GGA2: variants seen among roughly 807,000 people sequenced by gnomAD.
GGA2 encodes golgi associated, gamma adaptin ear containing, ARF binding protein 2.
Under a neutral mutation model 79.5 loss-of-function variants are expected in GGA2, and 48 were observed. That is an observed-to-expected ratio of 0.60 (90% CI 0.48 to 0.77). GGA2 has a LOEUF of 0.77. Ranked by LOEUF, GGA2 falls within the 30% of genes least tolerant of loss-of-function variation. GGA2 has a pLI of 0.00. For missense variants in GGA2, 770 were observed against 774.0 expected, an observed-to-expected ratio of 0.99 and a Z score of 0.06; for synonymous variants, 317 against 302.0, an observed-to-expected ratio of 1.05 and a Z score of -0.51.
At position 23,483,654 on chromosome 16, in the gene GGA2, G is replaced by GT. The variant is rs1010660532; in HGVS notation, c.799-651dup. Among the ~76,000 whole-genome samples the GT allele has an allele frequency of 8.5e-4, 128 of 150,724 alleles. 1 individual carries two copies. The highest frequency in any genetic ancestry group is 1.2e-3 in the African/African-American group (48 of 41,114). The stretch of plus-strand genomic sequence containing the variant: ...TTCTTTTTGATTGTTTGTTTTTTTG[G>GT]TTTTTTTTTGAGACAGAGTTTCACT... On this transcript the variant is annotated intron_variant, in intron 8 of 16. Transcript: ENST00000309859.
chr16:23,472,184 GTTTTTT>G lies in GGA2; in HGVS notation c.1451-2025_1451-2020del, dbSNP rs749688834. Among the ~76,000 whole-genome samples the G allele has an allele frequency of 2.4e-4, 13 of 54,866 alleles. No individual in the cohort carries two copies. The East Asian group carries it at 3.7e-3, about 16-fold the overall frequency. The allele number at this position is 54,866 out of a possible 152,430, so 36.0% of individuals were successfully genotyped here. ...TCCAAAGATGTTCTTTGTAGCCCTG[GTTTTTT>G]TTTTTTTTTTTTTTTTTTTTTTAGA... On this transcript the variant is annotated intron_variant, in intron 14 of 16. Coordinates refer to ENST00000309859, the MANE Select transcript of GGA2 (RefSeq NM_015044.4).
At chr16:23,506,798 G>A (rs1158086236) in intron 1 of GGA2, among the ~76,000 whole-genome samples, 2 of 152,176 alleles carry the variant, frequency 1.3e-5, no homozygotes, top group East Asian at 1.9e-4. Context: ...GGCAATGGTG[G>A]CACTGACGAA....
intron 5 of GGA2, among the ~76,000 whole-genome samples, chr16:23,491,154 A>G (rs1964780200): frequency 6.6e-6 from 1 of 151,722 alleles, no homozygotes; most frequent in Non-Finnish European, 1.5e-5. Context: ...AATAAATGAA[A>G]AAATTAGTTG....
chr16:23,510,596 G>A, upstream of GGA2: 1 of 384,542 alleles, frequency 2.6e-6, no homozygotes. Flanking sequence ...TCTTAGTCCA[G>A]ATCCCTCCAC....
intron 8 of GGA2, among the ~76,000 whole-genome samples, chr16:23,485,356 G>A (rs1964698631): frequency 6.6e-6 from 1 of 152,198 alleles, no homozygotes; most frequent in Non-Finnish European, 1.5e-5. Flanking sequence ...ATCTCATAAA[G>A]ATGCTATATA....
At chr16:23,494,099 T>C (rs919794480) in intron 3 of GGA2, 1 of 588,102 alleles carries the variant, frequency 1.7e-6, no homozygotes. Context: ...GACTCAATGC[T>C]GCCCTGAAGA....
At chr16:23,500,042 G>A (rs1371892701) in intron 1 of GGA2, among the ~76,000 whole-genome samples, 2 of 152,222 alleles carry the variant, frequency 1.3e-5, no homozygotes, top group African/African-American at 2.4e-5. Flanking sequence ...GTGGAAGGAA[G>A]AGGAGCTCCC....
Position 23,473,330 on chromosome 16 carries a change from C to CTTTTTT in GGA2, c.1450+1568_1450+1573dup, listed in dbSNP as rs34972165. Among the ~76,000 whole-genome samples, 177 of 70,690 alleles carry CTTTTTT rather than the reference C, an allele frequency of 2.5e-3. 48 individuals are homozygous for CTTTTTT. The highest frequency in any genetic ancestry group is 3.7e-3 in the South Asian group (6 of 1,614). The allele number at this position is 70,690 out of a possible 152,430, so 46.4% of individuals were successfully genotyped here. The stretch of plus-strand genomic sequence containing the variant: ...GTATAGATGATTTTACTTTTCTAGT[C>CTTTTTT]TTTTTTTTTTTTTTTTTTTTTTTTT... On this transcript the variant is annotated intron_variant, in intron 14 of 16. Coordinates refer to ENST00000309859, the MANE Select transcript of GGA2 (RefSeq NM_015044.4).
At chr16:23,489,490 T>G (rs1964756152) in intron 5 of GGA2, among the ~76,000 whole-genome samples, 1 of 152,080 alleles carries the variant, frequency 6.6e-6, no homozygotes, top group South Asian at 2.1e-4. Flanking sequence ...ATTCCTCACC[T>G]CAAACTCCCA....
chr16:23,510,560 C>CG (rs397727429), upstream of GGA2: 2 of 389,396 alleles, frequency 5.1e-6, no homozygotes, highest in Admixed American at 4.5e-5. Flanking sequence ...CAGGCCCCCC[C>CG]TCCACGCGGG....
At position 23,481,955 on chromosome 16, in the gene GGA2, T is replaced by C. The variant is rs542102817; in HGVS notation, c.880+968A>G. Among the ~76,000 whole-genome samples, 4 of 152,118 alleles carry C rather than the reference T, an allele frequency of 2.6e-5. No homozygotes were observed. The East Asian group carries it at 7.8e-4, about 29-fold the overall frequency. On this transcript the variant is annotated intron_variant, in intron 9 of 16. Transcript: ENST00000309859. ...TTATCAGGGCAATCTGAACACTGAC[T>C]GAATCTTTGATTATTCTGAAATGTC...
chr16:23,470,074 T>C lies in GGA2; in HGVS notation c.1542A>G (p.Val514=). The C allele has an allele frequency of 6.2e-7, 1 of 1,610,296 alleles. No homozygotes were observed. The highest frequency in any genetic ancestry group is 8.5e-7 in the Non-Finnish European group (1 of 1,178,226). Residue 514 remains valine (V), a synonymous_variant, in exon 15 of 17, where the codon GTA becomes GTG. Transcript: ENST00000309859. ...TCATCATGGTCAAGAGCAGCACCTG[T>C]ACCTCTGGGTGCCCAGGGGCTCCCG... is the stretch of plus-strand genomic sequence containing the variant. ...SQTGAPGHPE[V]QVLLLTMMST... is the part of the protein sequence containing the mutation.
chr16:23,468,865 A>G (rs1343877678), intron 16 of GGA2, 21 bp downstream of exon 16: 9 of 1,475,082 alleles, frequency 6.1e-6, no homozygotes, highest in Non-Finnish European at 8.5e-6. Context: ...TCTCCCTGCT[A>G]CCACAGACAC....
intron 1 of GGA2, chr16:23,500,849 C>G (rs1247288821): frequency 3.1e-5 from 6 of 190,806 alleles, no homozygotes; most frequent in South Asian, 9.7e-5. Flanking sequence ...TCTGACCATC[C>G]AAGGGAAAGT....
At chr16:23,500,926 T>C (rs1260118114) in intron 1 of GGA2, 4 of 280,924 alleles carry the variant, frequency 1.4e-5, no homozygotes, top group East Asian at 1.9e-4. Flanking sequence ...ATATTATATA[T>C]ACCATGGCAT....
intron 2 of GGA2, among the ~76,000 whole-genome samples, chr16:23,518,024 T>A (rs1321908820): frequency 3.9e-5 from 6 of 152,132 alleles, no homozygotes; most frequent in Non-Finnish European, 5.9e-5. Flanking sequence ...GCGATTCTCC[T>A]GCCTCAGCCT....
rs747030576 is a variant in GGA2, at chr16:23,478,376, C to T, written c.1284G>A (p.Pro428=). ...LLDLLSAQPA[P]CPLNYVSQKS... is the part of the protein sequence containing the mutation. Reference sequence around the variant, plus strand: ...TTGCCCAGAAGACTCACAGAGGGCACGGAGCTGGCTGTGCTGAGAGGAGGT... The same window carrying T: ...TTGCCCAGAAGACTCACAGAGGGCATGGAGCTGGCTGTGCTGAGAGGAGGT... The change falls in exon 13 of 17, where the codon CCG becomes CCA. Residue 428 remains proline (P), a synonymous_variant. Transcript: ENST00000309859. The T allele has an allele frequency of 6.9e-6, 11 of 1,593,622 alleles. No homozygotes were observed. The highest frequency in any genetic ancestry group is 4.5e-5 in the East Asian group (2 of 44,632).
chr16:23,488,809 T>TG (rs1436748409), intron 5 of GGA2, 100 bp from the exon 6 acceptor site: 2 of 690,604 alleles, frequency 2.9e-6, no homozygotes, highest in African/African-American at 3.6e-5. Flanking sequence ...CCTAATACCA[T>TG]GCTAGCAAAG....
chr16:23,473,330 C>CTTTTTTTTTTTTTT lies in GGA2; in HGVS notation c.1450+1560_1450+1573dup, dbSNP rs34972165. 5.7e-5 allele frequency among the ~76,000 whole-genome samples: 4 copies of CTTTTTTTTTTTTTT among 70,692 alleles called. 1 individual carries two copies. The highest frequency in any genetic ancestry group is 7.2e-5 in the Non-Finnish European group (3 of 41,518). The allele number at this position is 70,692 out of a possible 152,430, so 46.4% of individuals were successfully genotyped here. A position where few individuals can be genotyped will look rare whatever the true frequency, so the allele number is the denominator to read the frequency against. ...GTATAGATGATTTTACTTTTCTAGTCTTTTTTTTTTTTTTTTTTTTTTTTT... is the reference window on the plus strand; with the variant it reads ...GTATAGATGATTTTACTTTTCTAGTCTTTTTTTTTTTTTTTTTTTTTTTTTTTTTTTTTTTTTTT... On this transcript the variant is annotated intron_variant, in intron 14 of 16. Transcript: ENST00000309859.
Sources: gnomAD v4.1 joint callset for allele counts (sites outside exome capture counted in the v4.1 genomes callset) on GRCh38, gnomAD v4.1.1 for gene constraint, MANE v1.5 for transcripts, NCBI Gene and HGNC (gene_info 2026-07-23, HGNC 2026-07-21) for gene names.